The following ICA1 variants were observed in gnomAD, a reference collection of about 807,000 sequenced individuals.
The protein encoded by ICA1 is 69 kDa islet cell autoantigen.
In ICA1, 40 loss-of-function variants were observed where a neutral mutation model predicts 71.0. That is an observed-to-expected ratio of 0.56 (90% CI 0.44 to 0.73). The LOEUF (loss-of-function observed/expected upper bound fraction) is 0.73. Among genes scored for constraint, ICA1 ranks in the 30% least tolerant of loss-of-function variants. ICA1 has a pLI of 0.00. For synonymous variants in ICA1, 207 were observed against 209.5 expected, an observed-to-expected ratio of 0.99 and a Z score of 0.10; for missense variants, 578 against 576.5, an observed-to-expected ratio of 1.00 and a Z score of -0.03.
intron 5 of ICA1, 117 bp downstream of exon 5, chr7:8,221,158 T>G: frequency 8.3e-7 from 1 of 1,205,692 alleles, no homozygotes; most frequent in Non-Finnish European, 1.2e-6. Flanking sequence ...ACAGAGCAGC[T>G]CCTCAGCCTC....
chr7:8,188,768 T>G (rs1784639021), intron 6 of ICA1, among the ~76,000 whole-genome samples: 1 of 152,124 alleles, frequency 6.6e-6, no homozygotes, highest in Non-Finnish European at 1.5e-5. Flanking sequence ...AGAGAACCTT[T>G]TTTGGCCATG....
chr7:8,236,342 T>C (rs755912465), intron 1 of ICA1, among the ~76,000 whole-genome samples: 54 of 152,166 alleles, frequency 3.5e-4, no homozygotes, highest in Non-Finnish European at 6.6e-4. Flanking sequence ...GGTGAAGGTA[T>C]AAAGAATTGC....
At chr7:8,135,017 C>T (rs920977684) in intron 12 of ICA1, among the ~76,000 whole-genome samples, 3 of 108,642 alleles carry the variant, frequency 2.8e-5, no homozygotes, top group Non-Finnish European at 5.6e-5. Context: ...TTTATAGACT[C>T]TTTATAGAAT....
At chr7:8,160,539 C>T (rs1803366581) in intron 6 of ICA1, among the ~76,000 whole-genome samples, 1 of 152,188 alleles carries the variant, frequency 6.6e-6, no homozygotes, top group South Asian at 2.1e-4. Context: ...AATTATGATT[C>T]TACCCAGAAA....
At chr7:8,171,906 G>T (rs544521720) in intron 6 of ICA1, among the ~76,000 whole-genome samples, 1 of 151,960 alleles carries the variant, frequency 6.6e-6, no homozygotes, top group Non-Finnish European at 1.5e-5. Context: ...CAATTATTCA[G>T]GGGATATTAC....
rs1032059439 is a variant in ICA1 at position 8,169,829 on chromosome 7, C to T, written c.580-11177G>A. ...TTAATAGTGCCTTTTGAAATAAAAA[C>T]GTTTTAAATTTTGATGAAGTCTGAT... On this transcript the variant is annotated intron_variant, in intron 6 of 13. Transcript: ENST00000402384. Among the ~76,000 whole-genome samples the T allele has an allele frequency of 2.0e-5, 3 of 150,764 alleles. No homozygotes were observed. The South Asian group carries it at 6.3e-4, about 31-fold the overall frequency.
intron 6 of ICA1, among the ~76,000 whole-genome samples, chr7:8,189,625 A>G (rs1220322389): frequency 6.6e-6 from 1 of 152,058 alleles, no homozygotes; most frequent in East Asian, 1.9e-4. Flanking sequence ...TATTTACCCC[A>G]TAGCTGAGCT....
intron 13 of ICA1, among the ~76,000 whole-genome samples, chr7:8,121,191 G>A (rs1428995893): frequency 6.6e-6 from 1 of 152,160 alleles, no homozygotes; most frequent in South Asian, 2.1e-4. Flanking sequence ...TAACCCCTGA[G>A]GACATCATCT....
intron 8 of ICA1, among the ~76,000 whole-genome samples, chr7:8,151,932 G>C (rs1417123304): frequency 1.3e-5 from 2 of 152,184 alleles, no homozygotes; most frequent in African/African-American, 4.8e-5. Flanking sequence ...TCAGAGTTAC[G>C]TTTTCAAATT....
intron 1 of ICA1, among the ~76,000 whole-genome samples, chr7:8,239,889 G>T: frequency 6.6e-6 from 1 of 152,244 alleles, no homozygotes; most frequent in East Asian, 1.9e-4. Context: ...AAACAAAGCG[G>T]CCAGGGAAGC....
At position 8,173,996 on chromosome 7, in the gene ICA1, G is replaced by C. The variant is rs1481430003; in HGVS notation, c.580-15344C>G. On this transcript the variant is annotated intron_variant, in intron 6 of 13. Transcript: ENST00000402384. The surrounding 1 kb of genome is among the most constrained non-coding windows in gnomAD (Gnocchi z 4.0). Reference sequence around the variant, plus strand: ...AAAGATATGAGTGCAGGGTTTGGAGGGGTAGTAGAGGATTCTGTTTCATAT... The same window carrying C: ...AAAGATATGAGTGCAGGGTTTGGAGCGGTAGTAGAGGATTCTGTTTCATAT... Among the ~76,000 whole-genome samples the C allele has an allele frequency of 6.6e-6, 1 of 152,068 alleles. No individual in the cohort carries two copies. Among genetic ancestry groups the C allele is most frequent in the African/African-American group, 2.4e-5 (1 of 41,402 alleles).
chr7:8,250,383 T>C (rs1360823080), intron 1 of ICA1, among the ~76,000 whole-genome samples: 1 of 152,212 alleles, frequency 6.6e-6, no homozygotes, highest in African/African-American at 2.4e-5. Context: ...TCTCAAGTGG[T>C]TGAGAAATGG....
At chr7:8,157,309 CT>C (rs1297376945) in intron 7 of ICA1, 95 bp from the exon 8 acceptor site, 42 of 1,174,910 alleles carry the variant, frequency 3.6e-5, no homozygotes, top group Middle Eastern at 2.9e-4. Flanking sequence ...TTTGAAGATT[CT>C]TTAAAGCATG....
At chr7:8,175,167 G>C (rs112741775) in intron 6 of ICA1, among the ~76,000 whole-genome samples, 167 of 152,262 alleles carry the variant, frequency 1.1e-3, no homozygotes, top group African/African-American at 3.9e-3. Flanking sequence ...GGCTGGCCAA[G>C]CTGATGCTTA....
intron 6 of ICA1, among the ~76,000 whole-genome samples, chr7:8,188,556 A>T (rs1229271836): frequency 1.3e-5 from 2 of 152,182 alleles, no homozygotes; most frequent in Non-Finnish European, 2.9e-5. Context: ...ACTATTTTAA[A>T]AGTGAGTGTG....
At chr7:8,239,363 G>A (rs1452983515) in intron 1 of ICA1, among the ~76,000 whole-genome samples, 1 of 152,172 alleles carries the variant, frequency 6.6e-6, no homozygotes, top group Non-Finnish European at 1.5e-5. Context: ...ATGAGTACAT[G>A]CCAGTCACTC....
chr7:8,159,806 G>A (rs1472160027), intron 6 of ICA1, among the ~76,000 whole-genome samples: 1 of 152,090 alleles, frequency 6.6e-6, no homozygotes, highest in East Asian at 1.9e-4. Flanking sequence ...AGCATATTTT[G>A]GCTAGAGAAA....
intron 12 of ICA1, among the ~76,000 whole-genome samples, chr7:8,128,876 C>T (rs1426626817): frequency 6.6e-6 from 1 of 152,186 alleles, no homozygotes; most frequent in Non-Finnish European, 1.5e-5. Context: ...TCCACCCCTT[C>T]GCTGCTATGT....
intron 4 of ICA1, among the ~76,000 whole-genome samples, chr7:8,228,003 T>C (rs762495001): frequency 1.3e-4 from 20 of 151,428 alleles, no homozygotes; most frequent in Non-Finnish European, 1.9e-4. Context: ...TCCCATAGTC[T>C]AGTCTCAAAA....
Sources: allele counts gnomAD v4.1 joint callset (sites outside exome capture counted in the v4.1 genomes callset), GRCh38; gene constraint gnomAD v4.1.1; non-coding constraint Gnocchi (gnomAD v3.1); transcripts MANE v1.5; gene names NCBI Gene and HGNC (gene_info 2026-07-23, HGNC 2026-07-21).